The following RPS6KC1 variants were observed in gnomAD, a reference collection of about 807,000 sequenced individuals.
The protein encoded by RPS6KC1 is inactive ribosomal protein S6 kinase delta-1.
Under a neutral mutation model 103.8 loss-of-function variants are expected in RPS6KC1, and 54 were observed. That is an observed-to-expected ratio of 0.52 (90% CI 0.42 to 0.65). The LOEUF (loss-of-function observed/expected upper bound fraction) is 0.65, where lower values mean the gene tolerates loss of function less well. Ranked by LOEUF, RPS6KC1 falls within the 30% of genes least tolerant of loss-of-function variation. The probability of loss-of-function intolerance (pLI) is 0.00; values close to 1 mark genes in which losing one functional copy is unlikely to be tolerated. For synonymous variants in RPS6KC1, 439 were observed against 438.7 expected (o/e 1.00, Z -0.01); for missense variants, 1,151 against 1,253.8 (o/e 0.92, Z 1.24).
At position 213,129,828 on chromosome 1, in the gene RPS6KC1, C is replaced by T; in HGVS notation, c.774C>T (p.Asp258=). The T allele has an allele frequency of 6.2e-7, 1 of 1,611,854 alleles. No homozygotes were observed. The highest frequency in any genetic ancestry group is 8.5e-7 in the Non-Finnish European group (1 of 1,179,462). The change falls in exon 6 of 15, where the codon GAC becomes GAT. Residue 258 remains aspartate (D), a synonymous_variant. Coordinates refer to ENST00000366960, the MANE Select transcript of RPS6KC1 (RefSeq NM_012424.6). The stretch of plus-strand genomic sequence containing the variant: ...CTTTAAAAAAGGAAGAAGAAGACGA[C>T]TATGAAGCTGCTTCTGATTTTTATA... ...KLALKKEEED[D]YEAASDFYRK...
the RPS6KC1 span, among the ~76,000 whole-genome samples, chr1:213,599,301 G>A: frequency 2.6e-5 from 4 of 152,124 alleles, no homozygotes; most frequent in African/African-American, 9.7e-5. Flanking sequence ...AGCCTGTTGA[G>A]GGGGTCTCTG....
At chr1:213,411,361 A>T in the RPS6KC1 span, among the ~76,000 whole-genome samples, 2 of 152,086 alleles carry the variant, frequency 1.3e-5, no homozygotes, top group East Asian at 3.9e-4. Flanking sequence ...AGCCCTTGGG[A>T]GGTGATGTCC....
intron 8 of RPS6KC1, among the ~76,000 whole-genome samples, chr1:213,191,724 A>C (rs1573147898): frequency 6.6e-6 from 1 of 152,086 alleles, no homozygotes; most frequent in Non-Finnish European, 1.5e-5. Context: ...TCTCGATCTT[A>C]GAGGAAAGGC....
chr1:213,063,033 G>A (rs78483648), intron 1 of RPS6KC1, among the ~76,000 whole-genome samples: 1,752 of 152,292 alleles, frequency 0.012, 33 homozygotes, highest in African/African-American at 0.04. Flanking sequence ...GAATAGGCAA[G>A]GGGGCTGACT....
At chr1:213,181,054 C>T (rs1308822591) in intron 8 of RPS6KC1, among the ~76,000 whole-genome samples, 1 of 152,134 alleles carries the variant, frequency 6.6e-6, no homozygotes, top group Non-Finnish European at 1.5e-5. Flanking sequence ...GTACATGAGA[C>T]TCTTTGTACT....
the RPS6KC1 span, among the ~76,000 whole-genome samples, chr1:213,365,562 C>T: frequency 6.6e-6 from 1 of 152,162 alleles, no homozygotes; most frequent in Non-Finnish European, 1.5e-5. Flanking sequence ...TATCAAAACC[C>T]GACAGACAGA....
intron 4 of RPS6KC1, among the ~76,000 whole-genome samples, chr1:213,105,380 A>G (rs1446042580): frequency 6.6e-6 from 1 of 151,964 alleles, no homozygotes; most frequent in Non-Finnish European, 1.5e-5. Flanking sequence ...TTGTGCTGTA[A>G]TTGTTTTTAC....
the RPS6KC1 span, among the ~76,000 whole-genome samples, chr1:213,751,493 A>G: frequency 2.6e-5 from 4 of 152,078 alleles, no homozygotes; most frequent in African/African-American, 7.2e-5. Context: ...CTATCTCCCA[A>G]TTAGACATCC....
At chr1:213,615,055 G>C in the RPS6KC1 span, among the ~76,000 whole-genome samples, 1 of 152,158 alleles carries the variant, frequency 6.6e-6, no homozygotes, top group Non-Finnish European at 1.5e-5. Flanking sequence ...AAAACCTGAT[G>C]ACACCATACT....
chr1:213,452,188 A>G, the RPS6KC1 span, among the ~76,000 whole-genome samples: 9 of 152,306 alleles, frequency 5.9e-5, no homozygotes, highest in African/African-American at 1.9e-4. Context: ...TGGGAAGACA[A>G]TGGCCCATGG....
intron 12 of RPS6KC1, among the ~76,000 whole-genome samples, chr1:213,244,503 T>G (rs1311526871): frequency 6.6e-6 from 1 of 152,174 alleles, no homozygotes; most frequent in Non-Finnish European, 1.5e-5. Context: ...GTATATATTG[T>G]TACTTATTGG....
chr1:213,529,836 G>T, the RPS6KC1 span, among the ~76,000 whole-genome samples: 1 of 152,120 alleles, frequency 6.6e-6, no homozygotes, highest in Non-Finnish European at 1.5e-5. Context: ...GAATTGAATT[G>T]ATTAGTTTCT....
chr1:213,415,296 G>A, the RPS6KC1 span, among the ~76,000 whole-genome samples: 9 of 152,236 alleles, frequency 5.9e-5, no homozygotes, highest in Non-Finnish European at 1.0e-4. Context: ...GATTTCTCAA[G>A]AGGGTATTTG....
the RPS6KC1 span, among the ~76,000 whole-genome samples, chr1:213,420,835 G>A: frequency 6.6e-6 from 1 of 152,110 alleles, no homozygotes; most frequent in African/African-American, 2.4e-5. Context: ...GCAGGGCCAC[G>A]CTCCCTCTGA....
At chr1:213,564,404 A>G in the RPS6KC1 span, among the ~76,000 whole-genome samples, 1 of 152,224 alleles carries the variant, frequency 6.6e-6, no homozygotes, top group East Asian at 1.9e-4. Flanking sequence ...CTGCCAATAG[A>G]GGGCACAAGA....
At chr1:213,332,996 C>T in the RPS6KC1 span, among the ~76,000 whole-genome samples, 3 of 152,154 alleles carry the variant, frequency 2.0e-5, no homozygotes, top group Non-Finnish European at 4.4e-5. Flanking sequence ...GGACTTCTCA[C>T]CAGGTCTCTT....
chr1:213,108,169 G>A (rs1371505997), intron 4 of RPS6KC1, among the ~76,000 whole-genome samples: 2 of 151,946 alleles, frequency 1.3e-5, no homozygotes, highest in Non-Finnish European at 2.9e-5. Context: ...TCATACCCAG[G>A]AACTTTTCGA....
chr1:213,550,954 C>G, the RPS6KC1 span, among the ~76,000 whole-genome samples: 1 of 152,168 alleles, frequency 6.6e-6, no homozygotes, highest in Non-Finnish European at 1.5e-5. Context: ...TTAGAGAGCT[C>G]TGCCTAAGTG....
intron 5 of RPS6KC1, among the ~76,000 whole-genome samples, chr1:213,121,122 T>A (rs2084332723): frequency 6.6e-6 from 1 of 152,134 alleles, no homozygotes; most frequent in Non-Finnish European, 1.5e-5. Flanking sequence ...TTTGTAGAAA[T>A]GGGGTCTCAC....
Sources: allele counts gnomAD v4.1 joint callset (sites outside exome capture counted in the v4.1 genomes callset), GRCh38; gene constraint gnomAD v4.1.1; transcripts MANE v1.5; gene names NCBI Gene and HGNC (gene_info 2026-07-23, HGNC 2026-07-21).